The following PNPT1 variants were observed in gnomAD, a reference collection of about 807,000 sequenced individuals.
The protein encoded by PNPT1 is polyribonucleotide nucleotidyltransferase 1.
A neutral mutation model predicts 119.5 loss-of-function variants in PNPT1; 53 were observed. The ratio of observed to expected loss-of-function variants is 0.44; its 90% CI spans 0.36 to 0.56. The LOEUF is 0.56. PNPT1 is among the 20% of genes least tolerant of loss of function. The pLI is 0.00. For missense variants in PNPT1, 948 were observed against 938.5 expected, an observed-to-expected ratio of 1.01 and a Z score of -0.13; for synonymous variants, 357 against 322.1, an observed-to-expected ratio of 1.11 and a Z score of -1.16.
chr2:55,688,965 T>C (rs1200205716), intron 1 of PNPT1, among the ~76,000 whole-genome samples: 1 of 152,104 alleles, frequency 6.6e-6, no homozygotes, highest in Non-Finnish European at 1.5e-5. Context: ...AAATGGATCC[T>C]AGACCCAAAC....
At chr2:55,658,578 C>T (rs1457488073) in intron 15 of PNPT1, among the ~76,000 whole-genome samples, 3 of 151,936 alleles carry the variant, frequency 2.0e-5, no homozygotes, top group Non-Finnish European at 4.4e-5. Flanking sequence ...CAATAATGGC[C>T]CATATCCTTC....
chr2:55,665,155 A>C (rs1696695418), intron 13 of PNPT1, among the ~76,000 whole-genome samples: 1 of 152,204 alleles, frequency 6.6e-6, no homozygotes, highest in Non-Finnish European at 1.5e-5. Flanking sequence ...ATGCATTTAT[A>C]AACTTTGACT....
intron 11 of PNPT1, among the ~76,000 whole-genome samples, chr2:55,670,060 G>A (rs1026649787): frequency 6.6e-6 from 1 of 151,474 alleles, no homozygotes; most frequent in Non-Finnish European, 1.5e-5. Flanking sequence ...CGCCTGGCCA[G>A]TTTTTTATCT....
intron 8 of PNPT1, among the ~76,000 whole-genome samples, chr2:55,676,485 G>T (rs706551): frequency 0.93 from 141,827 of 152,212 alleles, 66,625 homozygotes; most frequent in African/African-American, 0.97. Flanking sequence ...TAAATGGTAC[G>T]GTTCAGAATG....
intron 18 of PNPT1, among the ~76,000 whole-genome samples, chr2:55,648,064 T>C (rs1337284976): frequency 6.6e-6 from 1 of 152,232 alleles, no homozygotes; most frequent in East Asian, 1.9e-4. Context: ...TTTCTTTTTG[T>C]TGGAAAGTAA....
Position 55,645,880 on chromosome 2 carries a change from C to T in PNPT1, c.1738+379G>A, listed in dbSNP as rs185454395. Among the ~76,000 whole-genome samples, 78 of 151,984 alleles carry T rather than the reference C, an allele frequency of 5.1e-4. 1 individual carries two copies. Among genetic ancestry groups the T allele is most frequent in the African/African-American group, 1.5e-3 (64 of 41,428 alleles). ...TTTCCCTCTGTCACCCAGGCTGGCGCGCAATGGCATGATCTCGGCTCACTG... is the reference window on the plus strand; with the variant it reads ...TTTCCCTCTGTCACCCAGGCTGGCGTGCAATGGCATGATCTCGGCTCACTG... On this transcript the variant is annotated intron_variant, in intron 21 of 27. Transcript: ENST00000447944.
At chr2:55,655,663 T>C (rs1162929312) in intron 17 of PNPT1, among the ~76,000 whole-genome samples, 1 of 152,232 alleles carries the variant, frequency 6.6e-6, no homozygotes, top group African/African-American at 2.4e-5. Flanking sequence ...CTGTTACACC[T>C]TTAAGAACTC....
intron 27 of PNPT1, among the ~76,000 whole-genome samples, chr2:55,637,126 T>C (rs1251147252): frequency 6.6e-6 from 1 of 152,336 alleles, no homozygotes; most frequent in East Asian, 1.9e-4. Flanking sequence ...GGGCCAATTT[T>C]GTTATATGAA....
intron 13 of PNPT1, 75 bp downstream of exon 13, chr2:55,666,916 T>TA (rs1380556822): frequency 7.8e-6 from 7 of 902,040 alleles, no homozygotes; most frequent in Non-Finnish European, 1.2e-5. Context: ...CTACAGCATC[T>TA]ACTAATGTAC....
rs970338196 is a variant in PNPT1, at chr2:55,637,546, A to G, written c.2196+6T>C. On this transcript the variant is annotated splice_donor_region_variant and intron_variant, in intron 27 of 27. Coordinates refer to ENST00000447944, the MANE Select transcript of PNPT1 (RefSeq NM_033109.5). ...ACTTCAAGGCTAAAAGGTGGAATAC[A>G]AATACCTGAATTTCTTGGCCAACTT... 6 of 1,595,922 alleles carry G rather than the reference A, an allele frequency of 3.8e-6. No individual in the cohort carries two copies. The African/African-American group carries it at 8.1e-5, about 21-fold the overall frequency.
chr2:55,682,298 A>G (rs1273908909), intron 5 of PNPT1, among the ~76,000 whole-genome samples: 1 of 151,524 alleles, frequency 6.6e-6, no homozygotes, highest in Non-Finnish European at 1.5e-5. Flanking sequence ...TCTCTATTAA[A>G]AACAGAAAAA....
rs72807615 is a variant in PNPT1 at position 55,676,329 on chromosome 2, A to G, written c.680-3250T>C. On this transcript the variant is annotated intron_variant, in intron 8 of 27. Transcript: ENST00000447944. ...CAACCATTTTAGCAGTTGAAGATGA[A>G]GGAGTTTTGAGATTAGCTGAAGCTA... Among the ~76,000 whole-genome samples, 242 of 151,952 alleles carry G rather than the reference A, an allele frequency of 1.6e-3. 2 individuals are homozygous for G. In the Middle Eastern group the frequency reaches 0.024, roughly 15 times the overall value.
In PNPT1 at chr2:55,683,130, T is replaced by G. The variant is rs151068120; in HGVS notation, c.453+655A>C. ...AATTAGGTAATAAAAATTAGTTACGTTAGTTGTCCTATTCCCAGCCTGATT... is the reference window on the plus strand; with the variant it reads ...AATTAGGTAATAAAAATTAGTTACGGTAGTTGTCCTATTCCCAGCCTGATT... On this transcript the variant is annotated intron_variant, in intron 5 of 27. Coordinates refer to ENST00000447944, the MANE Select transcript of PNPT1 (RefSeq NM_033109.5). 1.8e-3 allele frequency among the ~76,000 whole-genome samples: 276 copies of G among 152,270 alleles called. 2 individuals carry two copies. The highest frequency in any genetic ancestry group is 6.4e-3 in the African/African-American group (265 of 41,556).
At chr2:55,668,074 C>A (rs1696795345) in intron 11 of PNPT1, 116 bp from the exon 12 acceptor site, 2 of 895,304 alleles carry the variant, frequency 2.2e-6, no homozygotes, top group East Asian at 5.8e-5. Flanking sequence ...GGAGATGACT[C>A]TGAACGTTTA....
chr2:55,675,964 A>C (rs983834498), intron 8 of PNPT1, among the ~76,000 whole-genome samples: 3 of 152,162 alleles, frequency 2.0e-5, no homozygotes, highest in African/African-American at 7.2e-5. Context: ...AAAGCTTGTC[A>C]AAATGATTGC....
chr2:55,660,745 G>T (rs1307278576), intron 14 of PNPT1, among the ~76,000 whole-genome samples: 1 of 152,166 alleles, frequency 6.6e-6, no homozygotes, highest in South Asian at 2.1e-4. Flanking sequence ...GAAACCAAAG[G>T]CCAGTGTGGC....
intron 3 of PNPT1, among the ~76,000 whole-genome samples, chr2:55,686,112 T>C (rs1252156088): frequency 1.3e-5 from 2 of 151,912 alleles, no homozygotes; most frequent in Non-Finnish European, 2.9e-5. Flanking sequence ...GCTTATTCAA[T>C]GTCAAAGTAC....
chr2:55,665,384 AGTTTTCAG>A (rs890088970), intron 13 of PNPT1, among the ~76,000 whole-genome samples: 5 of 152,208 alleles, frequency 3.3e-5, no homozygotes, highest in African/African-American at 1.2e-4. Context: ...ATCAGAACTA[AGTTTTCAG>A]GTTTACTCTA....
intron 1 of PNPT1, among the ~76,000 whole-genome samples, chr2:55,691,878 A>ATATATTTTTTTTT (rs1326804958): frequency 3.0e-5 from 1 of 33,128 alleles, no homozygotes; most frequent in Non-Finnish European, 5.9e-5. Context: ...ATATATATAT[A>ATATATTTTTTTTT]TTTTTTTTTT....
Sources: allele counts gnomAD v4.1 joint callset (sites outside exome capture counted in the v4.1 genomes callset), GRCh38; gene constraint gnomAD v4.1.1; transcripts MANE v1.5; gene names NCBI Gene and HGNC (gene_info 2026-07-23, HGNC 2026-07-21).